PALD1: variants seen among roughly 807,000 people sequenced by gnomAD.
The protein encoded by PALD1 is phosphatase domain containing paladin 1.
PALD1 carries 57 observed loss-of-function variants against 96.0 expected under a neutral mutation model. The observed-to-expected ratio is 0.59, with a 90% CI of 0.48 to 0.74. The LOEUF (loss-of-function observed/expected upper bound fraction) is 0.74, where lower values mean the gene tolerates loss of function less well. Ranked by LOEUF, PALD1 falls within the 30% of genes least tolerant of loss-of-function variation. The probability of loss-of-function intolerance (pLI) is 0.00; values close to 1 mark genes in which losing one functional copy is unlikely to be tolerated. For synonymous variants in PALD1, 464 were observed against 473.6 expected (o/e 0.98, Z 0.26); for missense variants, 1,063 against 1,143.7 (o/e 0.93, Z 1.02).
intron 17 of PALD1, among the ~76,000 whole-genome samples, chr10:70,542,858 C>T (rs552449142): frequency 9.3e-4 from 142 of 152,250 alleles, no homozygotes; most frequent in Non-Finnish European, 1.8e-3. Context: ...CTGTTTGCCG[C>T]AGTATATGCA....
the PALD1 span, among the ~76,000 whole-genome samples, chr10:70,464,275 A>C: frequency 6.7e-6 from 1 of 148,698 alleles, no homozygotes; most frequent in East Asian, 2.0e-4. Context: ...GCAGTGGCAC[A>C]ATCTTGGCTC....
chr10:70,548,659 G>A (rs919885386), intron 18 of PALD1, among the ~76,000 whole-genome samples: 1 of 152,212 alleles, frequency 6.6e-6, no homozygotes, highest in Non-Finnish European at 1.5e-5. Context: ...CCCCACTGCT[G>A]GCCAGCAATT....
At chr10:70,508,749 C>T (rs1846445415) in intron 1 of PALD1, among the ~76,000 whole-genome samples, 3 of 139,586 alleles carry the variant, frequency 2.1e-5, no homozygotes, top group Non-Finnish European at 3.1e-5. Flanking sequence ...CTAAGATACA[C>T]GTGGGTGCCC....
chr10:70,497,848 T>A (rs1268535496), intron 1 of PALD1, among the ~76,000 whole-genome samples: 1 of 152,188 alleles, frequency 6.6e-6, no homozygotes, highest in Admixed American at 6.5e-5. Context: ...GTGCTGGGAT[T>A]ATAGGCGGGA....
At chr10:70,501,274 A>G (rs1846287640) in intron 1 of PALD1, among the ~76,000 whole-genome samples, 1 of 152,158 alleles carries the variant, frequency 6.6e-6, no homozygotes, top group Admixed American at 6.5e-5. Flanking sequence ...ACCAGGCCTC[A>G]CAGGCCTGCT....
intron 18 of PALD1, among the ~76,000 whole-genome samples, chr10:70,560,072 G>C (rs1285036734): frequency 6.6e-6 from 1 of 152,186 alleles, no homozygotes; most frequent in African/African-American, 2.4e-5. Flanking sequence ...CCCCTGCCTT[G>C]ATGAAGCAAT....
chr10:70,467,859 C>A, the PALD1 span, among the ~76,000 whole-genome samples: 1 of 151,964 alleles, frequency 6.6e-6, no homozygotes, highest in Non-Finnish European at 1.5e-5. Context: ...CACTACGAGC[C>A]CCCCAGCCTG....
chr10:70,558,780 T>A (rs1847670595), intron 18 of PALD1, among the ~76,000 whole-genome samples: 1 of 151,906 alleles, frequency 6.6e-6, no homozygotes, highest in Non-Finnish European at 1.5e-5. Context: ...AAAGGCAGAT[T>A]TTTAGAGAAA....
At chr10:70,528,004 CCCACCTATGAG>C (rs1401026263) in intron 2 of PALD1, among the ~76,000 whole-genome samples, 1 of 144,932 alleles carries the variant, frequency 6.9e-6, no homozygotes, top group East Asian at 2.1e-4. Context: ...TTGTTCAGTT[CCCACCTATGAG>C]TGAGAACATG....
chr10:70,510,967 G>A (rs1454524482), intron 1 of PALD1, among the ~76,000 whole-genome samples: 1 of 152,124 alleles, frequency 6.6e-6, no homozygotes, highest in Non-Finnish European at 1.5e-5. Flanking sequence ...CAGGGATTAC[G>A]TTCTGTGAAC....
At chr10:70,482,071 C>A (rs1273875464) in intron 1 of PALD1, among the ~76,000 whole-genome samples, 1 of 152,134 alleles carries the variant, frequency 6.6e-6, no homozygotes, top group Non-Finnish European at 1.5e-5. Context: ...TATGAGCCAT[C>A]CCCTGTGGCC....
At chr10:70,523,710 G>A (rs1164091469) in intron 1 of PALD1, among the ~76,000 whole-genome samples, 2 of 152,186 alleles carry the variant, frequency 1.3e-5, no homozygotes, top group Admixed American at 1.3e-4. Flanking sequence ...GTGTGTTAAC[G>A]AAGCTGTCAC....
intron 1 of PALD1, among the ~76,000 whole-genome samples, chr10:70,508,054 C>T (rs1846428578): frequency 6.6e-6 from 1 of 152,090 alleles, no homozygotes; most frequent in Non-Finnish European, 1.5e-5. Context: ...AAGATTGAGC[C>T]AGTCAGGAAG....
At chr10:70,460,199 C>T in the PALD1 span, among the ~76,000 whole-genome samples, 2 of 152,178 alleles carry the variant, frequency 1.3e-5, no homozygotes, top group Non-Finnish European at 2.9e-5. Context: ...CAGGCCTCCC[C>T]TCCCCTCGAA....
At chr10:70,477,335 T>G (rs547404225), upstream of PALD1, among the ~76,000 whole-genome samples, 1 of 152,334 alleles carries the variant, frequency 6.6e-6, no homozygotes, top group South Asian at 2.1e-4. Context: ...ATCTTATGGA[T>G]GTAGAAGTTG....
chr10:70,547,745 CAG>C (rs1431265726), intron 18 of PALD1, among the ~76,000 whole-genome samples: 1 of 152,196 alleles, frequency 6.6e-6, no homozygotes, highest in African/African-American at 2.4e-5. Flanking sequence ...TGTGGCCAAT[CAG>C]AGTGAACACC....
At chr10:70,493,894 C>G (rs1846142026) in intron 1 of PALD1, among the ~76,000 whole-genome samples, 1 of 152,198 alleles carries the variant, frequency 6.6e-6, no homozygotes, top group African/African-American at 2.4e-5. Context: ...AACACAGCAG[C>G]TAGCAGACCT....
intron 7 of PALD1, among the ~76,000 whole-genome samples, chr10:70,533,700 G>A (rs1554859140): frequency 1.3e-5 from 2 of 152,218 alleles, no homozygotes; most frequent in Non-Finnish European, 1.5e-5. Flanking sequence ...CCTCTGAGTC[G>A]CTCTCACTTC....
Position 70,544,767 on chromosome 10 carries a change from C to T in PALD1, c.2122-2539C>T, listed in dbSNP as rs116951042. 3.7e-3 allele frequency among the ~76,000 whole-genome samples: 557 copies of T among 152,276 alleles called. 12 individuals are homozygous for T. The East Asian group carries it at 0.051, about 14-fold the overall frequency. ...TCCCTGCACCCTCCTGGGGACCTGC[C>T]TAGAGCTTGGGATTGGGGATGTGGA... On this transcript the variant is annotated intron_variant, in intron 17 of 19. Transcript: ENST00000263563.
Sources: gnomAD v4.1 joint callset for allele counts (sites outside exome capture counted in the v4.1 genomes callset) on GRCh38, gnomAD v4.1.1 for gene constraint, MANE v1.5 for transcripts, NCBI Gene and HGNC (gene_info 2026-07-23, HGNC 2026-07-21) for gene names.